Variants in CD163L1 observed in about 807,000 individuals in gnomAD.
The protein encoded by CD163L1 is scavenger receptor cysteine-rich type 1 protein M160.
In CD163L1, 124 loss-of-function variants were observed where a neutral mutation model predicts 165.4. That is an observed-to-expected ratio of 0.75 (90% confidence interval 0.65 to 0.87). CD163L1 has a LOEUF of 0.87. Ranked by LOEUF, CD163L1 falls within the 40% of genes least tolerant of loss-of-function variation. The pLI is 0.00. For synonymous variants in CD163L1, 585 were observed against 662.2 expected, an observed-to-expected ratio of 0.88 and a Z score of 1.79; for missense variants, 1,525 against 1,799.9, an observed-to-expected ratio of 0.85 and a Z score of 2.76.
chr12:7,362,327 A>C (rs1234534946), intron 18 of CD163L1, among the ~76,000 whole-genome samples: 1 of 139,228 alleles, frequency 7.2e-6, no homozygotes, highest in African/African-American at 2.6e-5. Context: ...AAATTATATA[A>C]AATAAAATAT....
At chr12:7,393,814 T>C (rs1430568561) in intron 8 of CD163L1, among the ~76,000 whole-genome samples, 1 of 152,244 alleles carries the variant, frequency 6.6e-6, no homozygotes, top group South Asian at 2.1e-4. Context: ...TGAACTCCCA[T>C]TCACATTTGC....
chr12:7,413,622 T>A (rs746205137), intron 4 of CD163L1, among the ~76,000 whole-genome samples: 2 of 152,300 alleles, frequency 1.3e-5, no homozygotes, highest in African/African-American at 4.8e-5. Flanking sequence ...TGAGGTTCCA[T>A]AGATAACTTG....
intron 4 of CD163L1, among the ~76,000 whole-genome samples, chr12:7,420,242 ACCGTAAAAATT>A (rs1565808053): frequency 6.6e-6 from 1 of 152,154 alleles, no homozygotes; most frequent in Admixed American, 6.6e-5. Flanking sequence ...AAGACCCGAA[ACCGTAAAAATT>A]CTAAAAGATA....
At position 7,432,612 on chromosome 12, in the gene CD163L1, G is replaced by A. The variant is rs763152851; in HGVS notation, c.570C>T (p.Ala190=). The part of the protein sequence containing the change: ...CDDGWNLNTA[A]VVCRQLGCPS... ...GACATCCTAGTTGCCTGCACACCACGGCAGCAGTATTCAAGTTCCACCCAT... is the reference window on the plus strand; with the variant it reads ...GACATCCTAGTTGCCTGCACACCACAGCAGCAGTATTCAAGTTCCACCCAT... Residue 190 remains alanine, a synonymous_variant, in exon 4 of 20, where the codon GCC becomes GCT. Transcript: ENST00000313599. The surrounding 1 kb of genome is among the most constrained non-coding windows in gnomAD (Gnocchi z 4.2). 7 of 1,613,982 alleles carry A rather than the reference G, an allele frequency of 4.3e-6. No individual in the cohort carries two copies. The African/African-American group carries it at 5.3e-5, about 12-fold the overall frequency.
intron 8 of CD163L1, among the ~76,000 whole-genome samples, chr12:7,395,445 T>C (rs1348295415): frequency 6.6e-6 from 1 of 151,960 alleles, no homozygotes; most frequent in Non-Finnish European, 1.5e-5. Flanking sequence ...GGCCTGTCGG[T>C]TGGTGGGGGA....
intron 1 of CD163L1, among the ~76,000 whole-genome samples, chr12:7,442,231 C>T (rs1427959165): frequency 6.6e-6 from 1 of 152,042 alleles, no homozygotes; most frequent in African/African-American, 2.4e-5. Context: ...TCATTAGTAT[C>T]TTATGGAAAA....
In CD163L1 at chr12:7,379,110, C is replaced by T. The variant is rs1426690097; in HGVS notation, c.2239G>A (p.Glu747Lys). The stretch of plus-strand genomic sequence containing the variant: ...GACATTAAGATGTGTAATGTTCTTT[C>T]TGTGAAATGAGGCTCTCTGGAGACC... The part of the protein sequence containing the change: ...IRVSREPHFT[E>K]RTLHILMSNS... The change falls in exon 9 of 20, where the codon GAA becomes AAA. Residue 747 changes from glutamate to lysine, a missense_variant. Coordinates refer to ENST00000313599, the MANE Select transcript of CD163L1 (RefSeq NM_174941.6). 6.2e-7 allele frequency: 1 copy of T among 1,614,190 alleles called. No homozygotes were observed. Among genetic ancestry groups the T allele is most frequent in the Non-Finnish European group, 8.5e-7 (1 of 1,180,012 alleles).
At chr12:7,350,603 A>G (rs541524029), downstream of CD163L1, among the ~76,000 whole-genome samples, 29 of 152,302 alleles carry the variant, frequency 1.9e-4, no homozygotes, top group South Asian at 6.0e-3. Context: ...TCTATTAGTA[A>G]TACATACTTA....
chr12:7,444,108 G>A lies in CD163L1; in HGVS notation c.20C>T (p.Ser7Leu). The A allele has an allele frequency of 1.9e-6, 3 of 1,613,672 alleles. No individual in the cohort carries two copies. The highest frequency in any genetic ancestry group is 1.7e-5 in the Admixed American group (1 of 60,006). The change falls in exon 1 of 20, where the codon TCG (serine) becomes TTG (leucine). Residue 7 changes from serine to leucine, a missense_variant. By Grantham distance (145) the Ser-to-Leu change is moderately radical. Coordinates refer to ENST00000313599, the MANE Select transcript of CD163L1 (RefSeq NM_174941.6). ...AAGCAAAACCTTACCAATATGCCAC[G>A]AGTTTTGAGGCAGCATCATTATGGG... MMLPQN[S>L]WHIDFGRCCC...
chr12:7,433,825 A>C (rs533950538), intron 2 of CD163L1, 131 bp from the exon 3 acceptor site: 10 of 652,660 alleles, frequency 1.5e-5, no homozygotes, highest in Middle Eastern at 3.0e-4. Flanking sequence ...AGAGAAAATA[A>C]AAATGAGAAA....
the CD163L1 span, among the ~76,000 whole-genome samples, chr12:7,329,336 A>AT: frequency 0.21 from 29,085 of 138,940 alleles, 3,325 homozygotes; most frequent in African/African-American, 0.32. Flanking sequence ...ACCATATTTA[A>AT]TTTTTTTTTC....
chr12:7,406,470 T>C (rs948993819), intron 5 of CD163L1, 62 bp downstream of exon 5: 8 of 1,512,112 alleles, frequency 5.3e-6, no homozygotes, highest in Non-Finnish European at 7.2e-6. Flanking sequence ...TTTTCAGGGT[T>C]TGGTCCTAGT....
chr12:7,367,201 T>C, intron 18 of CD163L1, 35 bp downstream of exon 18: 1 of 1,310,834 alleles, frequency 7.6e-7, no homozygotes, highest in East Asian at 2.3e-5. Flanking sequence ...ATTCCCACCC[T>C]CTCCATGGAG....
downstream of CD163L1, among the ~76,000 whole-genome samples, chr12:7,343,858 A>G (rs758917562): frequency 3.3e-5 from 5 of 152,156 alleles, no homozygotes; most frequent in Non-Finnish European, 7.3e-5. Context: ...ACTCACTCCA[A>G]TATTAACTCA....
Position 7,374,960 on chromosome 12 carries a change from C to T in CD163L1, c.3002-37G>A, listed in dbSNP as rs1268739589. 1.9e-6 allele frequency: 3 copies of T among 1,567,644 alleles called. No individual in the cohort carries two copies. Among genetic ancestry groups the T allele is most frequent in the Non-Finnish European group, 2.6e-6 (3 of 1,138,138 alleles). On this transcript the variant is annotated intron_variant, in intron 11 of 19. Transcript: ENST00000313599. The surrounding 1 kb of genome is among the most constrained non-coding windows in gnomAD (Gnocchi z 5.4). ...TGCAGGAAATGGGGCAAAAGTAAGA[C>T]CAAAATACATGGAAAAGGTTGAAGA... is the stretch of plus-strand genomic sequence containing the variant.
At chr12:7,412,247 T>A (rs187957496) in intron 4 of CD163L1, among the ~76,000 whole-genome samples, 8 of 152,362 alleles carry the variant, frequency 5.3e-5, no homozygotes, top group Admixed American at 5.2e-4. Flanking sequence ...ATGTATTCCC[T>A]CACTTAAGGT....
At chr12:7,365,010 C>A (rs191118358) in intron 18 of CD163L1, among the ~76,000 whole-genome samples, 22 of 152,168 alleles carry the variant, frequency 1.4e-4, no homozygotes, top group Non-Finnish European at 1.9e-4. Flanking sequence ...CATCGCATTA[C>A]CTGACTTCAA....
downstream of CD163L1, among the ~76,000 whole-genome samples, chr12:7,343,860 A>G (rs746497144): frequency 6.6e-6 from 1 of 152,272 alleles, no homozygotes; most frequent in South Asian, 2.1e-4. Flanking sequence ...TCACTCCAAT[A>G]TTAACTCAAA....
At chr12:7,437,465 C>A (rs1948753630) in intron 2 of CD163L1, among the ~76,000 whole-genome samples, 1 of 151,676 alleles carries the variant, frequency 6.6e-6, no homozygotes, top group African/African-American at 2.4e-5. Context: ...AGGTATTTCT[C>A]CTAATGCTAT....
Sources: gnomAD v4.1 joint callset for allele counts (sites outside exome capture counted in the v4.1 genomes callset) on GRCh38, gnomAD v4.1.1 for gene constraint, Gnocchi (gnomAD v3.1) non-coding constraint, MANE v1.5 for transcripts, NCBI Gene and HGNC (gene_info 2026-07-23, HGNC 2026-07-21) for gene names.